The following PLA2R1 variants were observed in gnomAD, a reference collection of about 807,000 sequenced individuals.
PLA2R1 encodes the protein phospholipase A2 receptor 1, also known as secretory phospholipase A2 receptor.
Under a neutral mutation model 195.9 loss-of-function variants are expected in PLA2R1, and 158 were observed. That is an observed-to-expected ratio of 0.81 (90% CI 0.71 to 0.92). The LOEUF (loss-of-function observed/expected upper bound fraction) is 0.92. Ranked by LOEUF, PLA2R1 falls within the 40% of genes least tolerant of loss-of-function variation. The pLI, the probability that PLA2R1 is intolerant of heterozygous loss-of-function variation, is 0.00. For missense variants in PLA2R1, 1,626 were observed against 1,764.6 expected (o/e 0.92, Z 1.41); for synonymous variants, 586 against 598.2 (o/e 0.98, Z 0.30).
intron 1 of PLA2R1, among the ~76,000 whole-genome samples, chr2:160,046,737 G>A (rs754147902): frequency 1.2e-4 from 18 of 152,170 alleles, no homozygotes; most frequent in South Asian, 2.1e-4. Context: ...GGGTGGGGTG[G>A]GGAAAATGAA....
intron 20 of PLA2R1, among the ~76,000 whole-genome samples, chr2:159,963,039 T>A (rs1404846361): frequency 6.6e-6 from 1 of 152,016 alleles, no homozygotes; most frequent in Non-Finnish European, 1.5e-5. Context: ...TATAAAAAAA[T>A]CCTCTTTTAC....
At chr2:159,950,922 T>G (rs4665130) in intron 24 of PLA2R1, among the ~76,000 whole-genome samples, 134,979 of 152,204 alleles carry the variant, frequency 0.89, 61,730 homozygotes, top group East Asian at 1. Flanking sequence ...TAATTATAAG[T>G]GGTACTAAAC....
At chr2:159,960,733 T>C (rs1329328758) in intron 20 of PLA2R1, among the ~76,000 whole-genome samples, 2 of 152,204 alleles carry the variant, frequency 1.3e-5, no homozygotes, top group Non-Finnish European at 2.9e-5. Flanking sequence ...TGTTACATTA[T>C]CAAACACAGA....
At chr2:159,976,623 A>G (rs1289747427) in intron 16 of PLA2R1, 62 bp downstream of exon 16, 2 of 1,025,880 alleles carry the variant, frequency 1.9e-6, no homozygotes, top group Non-Finnish European at 3.1e-6. Flanking sequence ...ATGGTATATA[A>G]TAGCACTTAT....
chr2:159,983,966 C>T lies in PLA2R1; in HGVS notation c.2145G>A (p.Glu715=). The T allele has an allele frequency of 6.3e-7, 1 of 1,596,088 alleles. No homozygotes were observed. The highest frequency in any genetic ancestry group is 2.2e-5 in the East Asian group (1 of 44,720). ...HLASFAHIEE[E]NFVNELLHSK... is the part of the protein sequence containing the mutation. ...AATGTAAGAGCTCATTCACAAAATT[C>T]TCTTCCTCAATATGGGCAAAGCTTG... Residue 715 remains glutamate (E), a synonymous_variant, in exon 13 of 30, where the codon GAG becomes GAA. Transcript: ENST00000283243.
chr2:160,008,198 C>T (rs1029035690), intron 10 of PLA2R1, among the ~76,000 whole-genome samples: 5 of 151,904 alleles, frequency 3.3e-5, no homozygotes, highest in Non-Finnish European at 7.4e-5. Flanking sequence ...CCCAGCTACT[C>T]GGGAGGTCGA....
intron 10 of PLA2R1, among the ~76,000 whole-genome samples, chr2:160,007,089 T>A (rs1287392880): frequency 6.6e-6 from 1 of 152,356 alleles, no homozygotes; most frequent in South Asian, 2.1e-4. Flanking sequence ...AGCACACATT[T>A]GAAACAAGAA....
At chr2:159,996,677 C>T (rs1318191694) in intron 11 of PLA2R1, among the ~76,000 whole-genome samples, 1 of 152,034 alleles carries the variant, frequency 6.6e-6, no homozygotes, top group Non-Finnish European at 1.5e-5. Context: ...TCCCATTACA[C>T]AGTTTGAAGT....
intron 25 of PLA2R1, among the ~76,000 whole-genome samples, chr2:159,948,880 T>C (rs937454977): frequency 6.6e-6 from 1 of 152,194 alleles, no homozygotes; most frequent in Non-Finnish European, 1.5e-5. Flanking sequence ...GTGAATTCTA[T>C]GCAGGAAACT....
At chr2:160,013,203 T>C (rs1486861564) in intron 10 of PLA2R1, 60 bp downstream of exon 10, 1 of 755,460 alleles carries the variant, frequency 1.3e-6, no homozygotes, top group East Asian at 2.6e-5. Flanking sequence ...CTAGATTTTA[T>C]CATTCCAAGA....
chr2:160,000,057 G>A (rs1317705825), intron 11 of PLA2R1, among the ~76,000 whole-genome samples: 1 of 152,138 alleles, frequency 6.6e-6, no homozygotes, highest in Non-Finnish European at 1.5e-5. Flanking sequence ...TTCCTAGTGG[G>A]ATTTACCCTA....
At chr2:159,943,537 G>T (rs1260646157) in intron 28 of PLA2R1, among the ~76,000 whole-genome samples, 1 of 152,154 alleles carries the variant, frequency 6.6e-6, no homozygotes, top group Non-Finnish European at 1.5e-5. Flanking sequence ...TGGGCGGCAT[G>T]GAAAGAGCAC....
intron 6 of PLA2R1, among the ~76,000 whole-genome samples, chr2:160,026,058 G>A (rs970014102): frequency 3.3e-5 from 5 of 152,146 alleles, no homozygotes; most frequent in African/African-American, 1.2e-4. Flanking sequence ...GATGATGGAT[G>A]TGTTAATTTG....
intron 9 of PLA2R1, 46 bp from the exon 10 acceptor site, chr2:160,013,421 T>TA (rs1558925956): frequency 8.9e-7 from 1 of 1,126,794 alleles, no homozygotes; most frequent in Admixed American, 1.7e-5. Flanking sequence ...CTCATTTAGT[T>TA]AAATACCAAG....
At chr2:160,037,674 T>C (rs1694246469) in intron 3 of PLA2R1, among the ~76,000 whole-genome samples, 1 of 152,148 alleles carries the variant, frequency 6.6e-6, no homozygotes, top group Non-Finnish European at 1.5e-5. Flanking sequence ...GACCACTCCC[T>C]CTCCCCTTCC....
At chr2:159,971,126 A>G (rs1689141452) in intron 17 of PLA2R1, among the ~76,000 whole-genome samples, 2 of 152,210 alleles carry the variant, frequency 1.3e-5, no homozygotes, top group East Asian at 3.8e-4. Context: ...CCAGATTTAT[A>G]TGTGTCAACA....
chr2:160,037,103 T>C (rs1438637691), intron 3 of PLA2R1, among the ~76,000 whole-genome samples: 1 of 152,202 alleles, frequency 6.6e-6, no homozygotes, highest in African/African-American at 2.4e-5. Context: ...AATCCACATT[T>C]TTCCAATCCC....
downstream of PLA2R1, among the ~76,000 whole-genome samples, chr2:159,928,214 T>C (rs1044621828): frequency 1.3e-5 from 2 of 152,204 alleles, no homozygotes; most frequent in Non-Finnish European, 2.9e-5. Context: ...AATATATGAC[T>C]GTTCTGCCAT....
Position 160,062,478 on chromosome 2 carries a change from A to G in PLA2R1, c.-75T>C, listed in dbSNP as rs1341925039. On this transcript the variant is annotated 5_prime_UTR_variant, in exon 1 of 30. Coordinates refer to ENST00000283243, the MANE Select transcript of PLA2R1 (RefSeq NM_007366.5). ...CCCGGGAGCCCAGAGCCGCGTCCCAAGCACCCGGCCCCGCCGCGCGGAAGC... is the reference window on the plus strand; with the variant it reads ...CCCGGGAGCCCAGAGCCGCGTCCCAGGCACCCGGCCCCGCCGCGCGGAAGC... 1.9e-5 allele frequency: 27 copies of G among 1,446,758 alleles called. No individual in the cohort carries two copies. The highest frequency in any genetic ancestry group is 2.4e-5 in the Non-Finnish European group (27 of 1,103,728). 89.6% of individuals were successfully genotyped at this position (1,446,758 alleles called of 1,614,324 possible).
Sources: gnomAD v4.1 joint callset for allele counts (sites outside exome capture counted in the v4.1 genomes callset) on GRCh38, gnomAD v4.1.1 for gene constraint, MANE v1.5 for transcripts, NCBI Gene and HGNC (gene_info 2026-07-23, HGNC 2026-07-21) for gene names.